CUX1: variants seen among roughly 807,000 people sequenced by gnomAD.
CUX1 encodes cut like homeobox 1.
CUX1 carries 31 observed loss-of-function variants against 158.8 expected under a neutral mutation model. The observed-to-expected ratio is 0.20, with a 90% CI of 0.15 to 0.26. The LOEUF is 0.26. Ranked by LOEUF, CUX1 falls within the 10% of genes least tolerant of loss-of-function variation. CUX1 has a pLI of 1.00. For missense variants in CUX1, 1,589 were observed against 2,014.6 expected, an observed-to-expected ratio of 0.79 and a Z score of 4.04; for synonymous variants, 879 against 862.1, an observed-to-expected ratio of 1.02 and a Z score of -0.34.
intron 8 of CUX1, among the ~76,000 whole-genome samples, chr7:102,157,585 G>C (rs1789913237): frequency 1.3e-5 from 2 of 152,174 alleles, no homozygotes; most frequent in Non-Finnish European, 2.9e-5. Context: ...TTTGAGACCA[G>C]CCTGGCCAAC....
chr7:101,963,326 G>A (rs1032621348), intron 2 of CUX1, among the ~76,000 whole-genome samples: 27 of 152,176 alleles, frequency 1.8e-4, no homozygotes, highest in African/African-American at 3.9e-4. Flanking sequence ...GTGCCCATCC[G>A]TCCACTCCTG....
intron 1 of CUX1, among the ~76,000 whole-genome samples, chr7:101,901,495 A>G (rs1337983537): frequency 3.3e-5 from 5 of 151,994 alleles, no homozygotes; most frequent in African/African-American, 1.2e-4. Flanking sequence ...GGGTTTTGCC[A>G]TGTTGGCCAG....
rs370400600 is a variant in CUX1 at position 102,270,077 on chromosome 7, G to A, written c.1256-3289G>A. On this transcript the variant is annotated intron_variant, in intron 14 of 22. Coordinates refer to the CUX1 transcript ENST00000292538. ...TCTCTCCAGCTCCTTCTGTGTCCTC[G>A]CCCCAGAGCCCTGTACTCCAGAGGT... Among the ~76,000 whole-genome samples, 87 of 152,294 alleles carry A rather than the reference G, an allele frequency of 5.7e-4. 1 individual carries two copies. The highest frequency in any genetic ancestry group is 2.0e-3 in the African/African-American group (85 of 41,552).
In CUX1 at chr7:101,892,167, T is replaced by C. The variant is rs757230515; in HGVS notation, c.31-23948T>C. Among the ~76,000 whole-genome samples the C allele has an allele frequency of 3.6e-4, 55 of 152,210 alleles. 1 individual carries two copies. The highest frequency in any genetic ancestry group is 2.4e-3 in the Admixed American group (37 of 15,284). On this transcript the variant is annotated intron_variant, in intron 1 of 23. Coordinates refer to ENST00000292535, the MANE Select transcript of CUX1 (RefSeq NM_181552.4). ...CTGACCAGCGGCAGGCTGAAGACAGTTGGACTTAAGAAAACTTAATCTAGA... is the reference window on the plus strand; with the variant it reads ...CTGACCAGCGGCAGGCTGAAGACAGCTGGACTTAAGAAAACTTAATCTAGA...
intron 8 of CUX1, among the ~76,000 whole-genome samples, chr7:102,128,212 G>C (rs1039056437): frequency 2.0e-5 from 3 of 152,208 alleles, no homozygotes; most frequent in Non-Finnish European, 4.4e-5. Flanking sequence ...ATTCTCCAAG[G>C]GCTCATGGCA....
intron 2 of CUX1, among the ~76,000 whole-genome samples, chr7:102,026,277 A>C (rs1304613189): frequency 6.6e-6 from 1 of 152,196 alleles, no homozygotes; most frequent in East Asian, 1.9e-4. Flanking sequence ...AGCCACCAGC[A>C]ACGGGTGGCT....
intron 9 of CUX1, among the ~76,000 whole-genome samples, chr7:102,163,819 G>A (rs925455880): frequency 4.6e-5 from 7 of 152,166 alleles, no homozygotes; most frequent in African/African-American, 7.2e-5. Flanking sequence ...CCCCCAGGAG[G>A]AGCAATTTAC....
intron 21 of CUX1, among the ~76,000 whole-genome samples, chr7:102,233,220 C>A (rs1259626436): frequency 7.8e-6 from 1 of 128,052 alleles, no homozygotes; most frequent in Non-Finnish European, 1.6e-5. Flanking sequence ...GTCTCTCTCT[C>A]TGTTGCCCAG....
chr7:101,963,740 C>G (rs1810797352), intron 2 of CUX1, among the ~76,000 whole-genome samples: 1 of 152,176 alleles, frequency 6.6e-6, no homozygotes, highest in South Asian at 2.1e-4. Context: ...GCAGCCTCAG[C>G]TCTTGGGCTC....
At chr7:102,150,071 C>T (rs752979792) in intron 8 of CUX1, among the ~76,000 whole-genome samples, 4 of 152,230 alleles carry the variant, frequency 2.6e-5, no homozygotes, top group South Asian at 2.1e-4. Context: ...AAGAATTAAT[C>T]TGTAGATATT....
In CUX1 at chr7:102,272,336, C is replaced by T. The variant is rs553497581; in HGVS notation, c.1256-1030C>T. 5.3e-5 allele frequency among the ~76,000 whole-genome samples: 8 copies of T among 152,282 alleles called. No homozygotes were observed. In the East Asian group the frequency reaches 5.8e-4, roughly 11 times the overall value. On this transcript the variant is annotated intron_variant, in intron 14 of 22. Coordinates refer to the CUX1 transcript ENST00000292538. Reference sequence around the variant, plus strand: ...TCAGGGATGAGTCCACGGAGGAGGCCGCACATACCATTTCCCTGGCACTGC... The same window carrying T: ...TCAGGGATGAGTCCACGGAGGAGGCTGCACATACCATTTCCCTGGCACTGC...
chr7:102,018,588 C>G lies in CUX1; in HGVS notation c.142-9510C>G, dbSNP rs116568473. Among the ~76,000 whole-genome samples the G allele has an allele frequency of 5.1e-3, 776 of 152,322 alleles. 4 individuals carry two copies. The highest frequency in any genetic ancestry group is 0.018 in the African/African-American group (736 of 41,574). On this transcript the variant is annotated intron_variant, in intron 2 of 23. Coordinates refer to ENST00000292535, the MANE Select transcript of CUX1 (RefSeq NM_181552.4). ...GCTCTGGCTGTCCTGTCTGAGCTGC[C>G]CCTGAGGCCACACACAGGATCTCAG...
Position 102,248,888 on chromosome 7 carries a change from C to G in CUX1, c.4364C>G (p.Ser1455Trp). 2.2e-6 allele frequency: 3 copies of G among 1,394,548 alleles called. No individual in the cohort carries two copies. Among genetic ancestry groups the G allele is most frequent in the Non-Finnish European group, 2.8e-6 (3 of 1,066,500 alleles). 86.4% of individuals were successfully genotyped at this position (1,394,548 alleles called of 1,614,324 possible). ...AGCAGCGCCCCCCGCAGGCCCAGCTCGCTGCAGAGCCTTTTCGGCCTCCCC... is the reference window on the plus strand; with the variant it reads ...AGCAGCGCCCCCCGCAGGCCCAGCTGGCTGCAGAGCCTTTTCGGCCTCCCC... The part of the protein sequence containing the change: ...SSSSAPRRPS[S>W]LQSLFGLPEA... Residue 1455 changes from serine to tryptophan, a missense_variant, in exon 24 of 24, where the codon TCG (serine) becomes TGG (tryptophan). Physicochemically the swap from Ser to Trp is radical, Grantham distance 177 (BLOSUM62 -3). This residue lies in a region of CUX1 where 344 missense variants were observed against 323.7 expected (regional missense o/e 1.06). Transcript: ENST00000292535. This position sits in a 1 kb window ranked among gnomAD's most constrained non-coding sequence, Gnocchi z 5.8.
chr7:101,913,497 T>A, intron 1 of CUX1: 2 of 1,009,198 alleles, frequency 2.0e-6, no homozygotes, highest in Non-Finnish European at 2.6e-6. Context: ...AGGCAGGCTC[T>A]CTGACAGATC....
At position 101,869,750 on chromosome 7, in the gene CUX1, G is replaced by T. The variant is rs372224121; in HGVS notation, c.31-46365G>T. ...GGAGCTCACAGGCTGCAGAGGAAGC[G>T]CAGGGGAGGCGCAGGGGAGGCCAGG... On this transcript the variant is annotated intron_variant, in intron 1 of 23. Coordinates refer to ENST00000292535, the MANE Select transcript of CUX1 (RefSeq NM_181552.4). The surrounding 1 kb of genome is among the most constrained non-coding windows in gnomAD (Gnocchi z 4.5). Among the ~76,000 whole-genome samples the T allele has an allele frequency of 1.3e-5, 2 of 152,120 alleles. No individual in the cohort carries two copies. Among genetic ancestry groups the T allele is most frequent in the African/African-American group, 2.4e-5 (1 of 41,414 alleles).
intron 11 of CUX1, among the ~76,000 whole-genome samples, chr7:102,185,056 T>C (rs1430729988): frequency 6.6e-6 from 1 of 152,178 alleles, no homozygotes; most frequent in Non-Finnish European, 1.5e-5. Context: ...ATGTGCTCTT[T>C]CTCTGTGGCT....
At chr7:102,243,677 T>TAATAAA (rs544002750) in intron 23 of CUX1, among the ~76,000 whole-genome samples, 4,736 of 138,668 alleles carry the variant, frequency 0.034, 99 homozygotes, top group Non-Finnish European at 0.044. Context: ...ATAATAATAA[T>TAATAAA]AAAATAAATG....
chr7:102,050,883 C>T (rs1563177977), intron 3 of CUX1, among the ~76,000 whole-genome samples: 1 of 152,020 alleles, frequency 6.6e-6, no homozygotes, highest in Non-Finnish European at 1.5e-5. Context: ...CCTGTGAATT[C>T]TATTTCCCTA....
chr7:101,981,893 A>T (rs1813494581), intron 2 of CUX1, among the ~76,000 whole-genome samples: 1 of 152,198 alleles, frequency 6.6e-6, no homozygotes, highest in South Asian at 2.1e-4. Flanking sequence ...TACAGGCGTG[A>T]GCCACCGCAC....
Sources: gnomAD v4.1 joint callset for allele counts (sites outside exome capture counted in the v4.1 genomes callset) on GRCh38, gnomAD v4.1.1 for gene constraint, gnomAD v4.1.1 regional missense constraint, Gnocchi (gnomAD v3.1) non-coding constraint, MANE v1.5 for transcripts, NCBI Gene and HGNC (gene_info 2026-07-23, HGNC 2026-07-21) for gene names.